THEMIS: variants seen among roughly 807,000 people sequenced by gnomAD.
THEMIS encodes the protein protein THEMIS.
THEMIS carries 37 observed loss-of-function variants against 52.6 expected under a neutral mutation model. The observed-to-expected ratio is 0.70, with a 90% CI of 0.54 to 0.93. The LOEUF is 0.93. THEMIS is among the 40% of genes least tolerant of loss of function. The pLI, the probability that THEMIS is intolerant of heterozygous loss-of-function variation, is 0.00. For missense variants in THEMIS, 808 were observed against 763.1 expected (o/e 1.06, Z -0.69); for synonymous variants, 292 against 272.7 (o/e 1.07, Z -0.70).
chr6:127,874,612 G>C lies in THEMIS; in HGVS notation c.92-19424C>G, dbSNP rs924303479. ...TATTTTTAAAAATCTGCATATAAGTGGACCCACAAAATTCAAACCATTTGT... is the reference window on the plus strand; with the variant it reads ...TATTTTTAAAAATCTGCATATAAGTCGACCCACAAAATTCAAACCATTTGT... On this transcript the variant is annotated intron_variant, in intron 1 of 5. Coordinates refer to ENST00000368248, the MANE Select transcript of THEMIS (RefSeq NM_001010923.3). 1.1e-4 allele frequency among the ~76,000 whole-genome samples: 16 copies of C among 152,074 alleles called. 1 individual carries two copies. Among genetic ancestry groups the C allele is most frequent in the Admixed American group, 7.9e-4 (12 of 15,284 alleles).
intron 4 of THEMIS, among the ~76,000 whole-genome samples, chr6:127,793,744 A>G (rs1380844875): frequency 2.0e-5 from 3 of 152,224 alleles, no homozygotes; most frequent in Non-Finnish European, 2.9e-5. Context: ...TTAACTGGCC[A>G]GTGCATAAGT....
chr6:127,841,963 G>A (rs1779063247), intron 2 of THEMIS, among the ~76,000 whole-genome samples: 1 of 151,946 alleles, frequency 6.6e-6, no homozygotes, highest in South Asian at 2.1e-4. Context: ...TCCTTGGATA[G>A]CGAATTATCT....
At chr6:127,860,590 G>T (rs1779766862) in intron 1 of THEMIS, among the ~76,000 whole-genome samples, 1 of 152,118 alleles carries the variant, frequency 6.6e-6, no homozygotes, top group Admixed American at 6.6e-5. Flanking sequence ...TGTAGGAAAT[G>T]TTGGTGAGTC....
chr6:127,872,741 T>A (rs1780196025), intron 1 of THEMIS, among the ~76,000 whole-genome samples: 1 of 152,138 alleles, frequency 6.6e-6, no homozygotes. Context: ...GTCCAGGCTA[T>A]CCACTCTAAC....
At chr6:127,871,103 C>T (rs993238447) in intron 1 of THEMIS, among the ~76,000 whole-genome samples, 10 of 152,020 alleles carry the variant, frequency 6.6e-5, no homozygotes, top group South Asian at 4.1e-4. Context: ...CAAATCTCAA[C>T]AAATTTAAAA....
At chr6:127,701,451 G>A in the THEMIS span, among the ~76,000 whole-genome samples, 1 of 152,058 alleles carries the variant, frequency 6.6e-6, no homozygotes, top group Non-Finnish European at 1.5e-5. Flanking sequence ...TCCTGGGCAT[G>A]GGTTGCTTCC....
At chr6:127,833,788 T>TA (rs1562288324) in intron 2 of THEMIS, among the ~76,000 whole-genome samples, 2 of 152,074 alleles carry the variant, frequency 1.3e-5, no homozygotes, top group African/African-American at 4.8e-5. Flanking sequence ...GGGGTAGTCT[T>TA]AAAAAATATA....
intron 4 of THEMIS, among the ~76,000 whole-genome samples, chr6:127,766,099 A>G (rs1776189932): frequency 6.6e-6 from 1 of 152,144 alleles, no homozygotes; most frequent in Non-Finnish European, 1.5e-5. Flanking sequence ...TTCAATTGAC[A>G]GTATATATTT....
intron 4 of THEMIS, among the ~76,000 whole-genome samples, chr6:127,735,235 C>A (rs35158225): frequency 2.6e-5 from 4 of 151,516 alleles, no homozygotes; most frequent in Non-Finnish European, 5.9e-5. Context: ...CAAATGAATG[C>A]GGGGCGTCTA....
At chr6:127,767,029 CTTT>C (rs1776222508) in intron 4 of THEMIS, among the ~76,000 whole-genome samples, 1 of 152,060 alleles carries the variant, frequency 6.6e-6, no homozygotes, top group African/African-American at 2.4e-5. Flanking sequence ...TTTTTTGACT[CTTT>C]TGTTAATAAC....
At chr6:127,753,449 A>G (rs933652289) in intron 4 of THEMIS, among the ~76,000 whole-genome samples, 1 of 152,092 alleles carries the variant, frequency 6.6e-6, no homozygotes, top group African/African-American at 2.4e-5. Context: ...AATAAAATTA[A>G]CCAAGTATGT....
intron 2 of THEMIS, among the ~76,000 whole-genome samples, chr6:127,852,803 T>G (rs1220551318): frequency 6.6e-6 from 1 of 151,594 alleles, no homozygotes; most frequent in African/African-American, 2.4e-5. Context: ...CTAGGAGTTC[T>G]CTTTGAAGAA....
At chr6:127,822,688 T>G (rs1778381444) in intron 3 of THEMIS, among the ~76,000 whole-genome samples, 1 of 152,164 alleles carries the variant, frequency 6.6e-6, no homozygotes, top group African/African-American at 2.4e-5. Flanking sequence ...ACCTAGTTAT[T>G]TATTCAAACA....
At chr6:127,878,066 A>G (rs1349819846) in intron 1 of THEMIS, among the ~76,000 whole-genome samples, 1 of 152,202 alleles carries the variant, frequency 6.6e-6, no homozygotes, top group Non-Finnish European at 1.5e-5. Context: ...CAAATATCAC[A>G]TGCTTTTGTT....
intron 2 of THEMIS, among the ~76,000 whole-genome samples, chr6:127,847,909 T>TTATTAG (rs1385192181): frequency 6.7e-6 from 1 of 149,346 alleles, no homozygotes; most frequent in African/African-American, 2.4e-5. Flanking sequence ...ATTATTATTA[T>TTATTAG]TATTATTATC....
Position 127,804,875 on chromosome 6 carries a change from G to A in THEMIS, c.1758+8008C>T, listed in dbSNP as rs1250354132. Among the ~76,000 whole-genome samples the A allele has an allele frequency of 2.0e-5, 3 of 152,010 alleles. No individual in the cohort carries two copies. In the East Asian group the frequency reaches 5.8e-4, roughly 29 times the overall value. On this transcript the variant is annotated intron_variant, in intron 4 of 5. Coordinates refer to ENST00000368248, the MANE Select transcript of THEMIS (RefSeq NM_001010923.3). The stretch of plus-strand genomic sequence containing the variant: ...CAACAAACTTTTATTAAGGACAAAT[G>A]GTATGTAAAGTTTAGTGATCTGAAT...
intron 4 of THEMIS, among the ~76,000 whole-genome samples, chr6:127,812,027 G>A (rs1028416396): frequency 2.6e-5 from 4 of 152,166 alleles, no homozygotes; most frequent in Admixed American, 2.6e-4. Flanking sequence ...AGTAAACACA[G>A]CCTCTCTTTG....
chr6:127,910,030 G>C (rs1406562818), intron 1 of THEMIS: 1 of 152,032 alleles, frequency 6.6e-6, no homozygotes. Context: ...AATCTCTTGA[G>C]AAACTCTCAG....
chr6:127,764,364 T>C (rs934451516), intron 4 of THEMIS, among the ~76,000 whole-genome samples: 2 of 151,898 alleles, frequency 1.3e-5, no homozygotes, highest in African/African-American at 4.8e-5. Context: ...TTAATTTTGG[T>C]ATAGAATTAA....
Sources: allele counts gnomAD v4.1 joint callset (sites outside exome capture counted in the v4.1 genomes callset), GRCh38; gene constraint gnomAD v4.1.1; transcripts MANE v1.5; gene names NCBI Gene and HGNC (gene_info 2026-07-23, HGNC 2026-07-21).